Variants in FAM131A observed in about 807,000 individuals in gnomAD.
The protein encoded by FAM131A is family with sequence similarity 131 member A, also known as protein FAM131A.
A neutral mutation model predicts 39.2 loss-of-function variants in FAM131A; 24 were observed. The observed-to-expected ratio is 0.61, with a 90% CI of 0.44 to 0.86. The LOEUF is 0.86. Among genes scored for constraint, FAM131A ranks in the 40% least tolerant of loss-of-function variants. FAM131A has a pLI of 0.00. For synonymous variants in FAM131A, 202 were observed against 206.8 expected (o/e 0.98, Z 0.20); for missense variants, 373 against 481.2 (o/e 0.78, Z 2.10).
At chr3:184,338,675 C>A in intron 2 of FAM131A, 146 bp downstream of exon 2, 1 of 1,055,562 alleles carries the variant, frequency 9.5e-7, no homozygotes, top group Non-Finnish European at 1.3e-6. Context: ...GGAGGCCGCC[C>A]CCGTGCCGGT....
chr3:184,344,841 CT>C lies in FAM131A; in HGVS notation c.973del (p.Cys325AlafsTer11), dbSNP rs1727560657. 4 of 1,611,132 alleles carry C rather than the reference CT, an allele frequency of 2.5e-6. 1 individual carries two copies. The South Asian group carries it at 4.4e-5, about 18-fold the overall frequency. ...CCCCCGCGGAGGAGGAGCCAGCCCC[CT>C]GCAAGGACTGCCAGCCACTCTGCCC... Reference protein sequence around the residue: ...LSPAEEEPAPCKDCQPLCPPL... With the variant: ...LSPAEEEPAPXKDCQPLCPPL... On this transcript the variant is annotated frameshift_variant, in exon 6 of 6. Coordinates refer to ENST00000383847, the MANE Select transcript of FAM131A (RefSeq NM_144635.5). LOFTEE classifies it high-confidence loss of function.
chr3:184,345,546 A>T lies in FAM131A; in HGVS notation c.*576A>T, dbSNP rs1420537595. 3 of 702,918 alleles carry T rather than the reference A, an allele frequency of 4.3e-6. No homozygotes were observed. The highest frequency in any genetic ancestry group is 7.8e-6 in the Non-Finnish European group (3 of 385,018). 43.5% of individuals were successfully genotyped at this position (702,918 alleles called of 1,614,324 possible). ...TTCATTCACCTCTCCATCGTCTCTAAATCTTCCTCTTTTTTCCTAAAGACA... is the reference window on the plus strand; with the variant it reads ...TTCATTCACCTCTCCATCGTCTCTATATCTTCCTCTTTTTTCCTAAAGACA... On this transcript the variant is annotated 3_prime_UTR_variant, in exon 6 of 6. Coordinates refer to ENST00000383847, the MANE Select transcript of FAM131A (RefSeq NM_144635.5).
chr3:184,342,757 G>A lies in FAM131A; in HGVS notation c.522G>A (p.Gln174=). The change falls in exon 5 of 6, where the codon CAG becomes CAA. Residue 174 remains glutamine (Q), a synonymous_variant. Transcript: ENST00000383847. The surrounding 1 kb of genome is among the most constrained non-coding windows in gnomAD (Gnocchi z 4.6). ...EARFAAGVAE[Q]FAIAEAKLRA... ...TCCCTGCGACAGGAGTGGCTGAGCA[G>A]TTTGCCATCGCGGAAGCCAAGCTCC... The A allele has an allele frequency of 6.2e-7, 1 of 1,613,314 alleles. No homozygotes were observed. Among genetic ancestry groups the A allele is most frequent in the Non-Finnish European group, 8.5e-7 (1 of 1,179,478 alleles).
intron 5 of FAM131A, among the ~76,000 whole-genome samples, 188 bp from the exon 6 acceptor site, chr3:184,344,307 T>C (rs1727514497): frequency 6.6e-6 from 1 of 152,160 alleles, no homozygotes; most frequent in Non-Finnish European, 1.5e-5. Context: ...CTTGTTCTTG[T>C]ATTGTTAGAA....
chr3:184,341,956 C>T (rs1727401518), intron 3 of FAM131A, 110 bp from the exon 4 acceptor site: 2 of 1,513,592 alleles, frequency 1.3e-6, no homozygotes, highest in South Asian at 1.1e-5. Context: ...GCCCCTTCTC[C>T]CACCCAAAGG....
In FAM131A at chr3:184,345,052, C is replaced by T; in HGVS notation, c.*82C>T. ...TCTGTGCCCAAGTGTGGGCTCAAGG[C>T]TCCCAGCAGAGCTCCACAGCCTAGA... On this transcript the variant is annotated 3_prime_UTR_variant, in exon 6 of 6. Coordinates refer to ENST00000383847, the MANE Select transcript of FAM131A (RefSeq NM_144635.5). 7.7e-7 allele frequency: 1 copy of T among 1,302,156 alleles called. No individual in the cohort carries two copies. The highest frequency in any genetic ancestry group is 1.0e-6 in the Non-Finnish European group (1 of 975,104). The allele number at this position is 1,302,156 out of a possible 1,614,324, so 80.7% of individuals were successfully genotyped here. A position where few individuals can be genotyped will look rare whatever the true frequency, so the allele number is the denominator to read the frequency against.
chr3:184,335,981 C>T (rs1281210464), upstream of FAM131A: 1 of 152,272 alleles, frequency 6.6e-6, no homozygotes, highest in Non-Finnish European at 1.5e-5. Flanking sequence ...GCTCCCACCC[C>T]TCCCCTCTCA....
rs1261838839 is a variant in FAM131A at position 184,344,754 on chromosome 3, C to G, written c.885C>G (p.Ser295Arg). The G allele has an allele frequency of 6.2e-7, 1 of 1,612,390 alleles. No homozygotes were observed. Residue 295 changes from serine (S) to arginine (R), a missense_variant, in exon 6 of 6, where the codon AGC (serine) becomes AGG (arginine). By Grantham distance (110) the Ser-to-Arg change is moderately radical. Transcript: ENST00000383847. The stretch of plus-strand genomic sequence containing the variant: ...CCAGCCGGGAAAGTGCCTTCCGCAG[C>G]CTGGGCCCACTGGAGGCCCAGGACT... ...LPPSRESAFR[S>R]LGPLEAQDSL...
intron 5 of FAM131A, among the ~76,000 whole-genome samples, chr3:184,343,715 C>T (rs1727483148): frequency 1.3e-5 from 2 of 152,208 alleles, no homozygotes; most frequent in Admixed American, 6.5e-5. Context: ...GATTGAGTTC[C>T]AGGCCTACTT....
Position 184,344,616 on chromosome 3 carries a change from C to A in FAM131A, c.747C>A (p.Ser249=). 1 of 1,612,926 alleles carries A rather than the reference C, an allele frequency of 6.2e-7. No individual in the cohort carries two copies. Among genetic ancestry groups the A allele is most frequent in the Non-Finnish European group, 8.5e-7 (1 of 1,179,812 alleles). Residue 249 remains serine, a synonymous_variant, in exon 6 of 6, where the codon TCC becomes TCA. Transcript: ENST00000383847. ...EPESDCSQTV[S]PDTLCSSLCS... is the part of the protein sequence containing the mutation. ...AGAGCGACTGCTCACAGACCGTGTCCCCAGACACCCTGTGCTCTAGTCTGT... is the reference window on the plus strand; with the variant it reads ...AGAGCGACTGCTCACAGACCGTGTCACCAGACACCCTGTGCTCTAGTCTGT...
Position 184,345,105 on chromosome 3 carries a change from TTG to T in FAM131A, c.*141_*142del, listed in dbSNP as rs890208085. 78 of 838,424 alleles carry T rather than the reference TTG, an allele frequency of 9.3e-5. No individual in the cohort carries two copies. Among genetic ancestry groups the T allele is most frequent in the Middle Eastern group, 3.3e-4 (1 of 2,996 alleles). The allele number at this position is 838,424 out of a possible 1,614,324, so 51.9% of individuals were successfully genotyped here. ...GCTCCTGGGAGCGCTCGCTTCTCCG[TTG>T]TGTGTTTTGCATGAAAGTGTTTGGA... On this transcript the variant is annotated 3_prime_UTR_variant, in exon 6 of 6. Transcript: ENST00000383847.
In FAM131A at chr3:184,342,265, G is replaced by C. The variant is rs749237896; in HGVS notation, c.508+17G>C. On this transcript the variant is annotated intron_variant, in intron 4 of 5. Transcript: ENST00000383847. The surrounding 1 kb of genome is among the most constrained non-coding windows in gnomAD (Gnocchi z 4.6). ...TTGCAGCAGGTGGATGGCAGAAAGG[G>C]GATAAGCTACACTCTTGGCACAGGG... 6.3e-7 allele frequency: 1 copy of C among 1,590,082 alleles called. No homozygotes were observed. The highest frequency in any genetic ancestry group is 8.6e-7 in the Non-Finnish European group (1 of 1,167,212).
In FAM131A at chr3:184,342,904, A is replaced by AGTC; in HGVS notation, c.625+45_625+46insTCG. ...TAGGGCTGTGGTGGACCCACCTGAT[A>AGTC]GACCTTGGCATTCTTTCAGAGCCAC... On this transcript the variant is annotated intron_variant, in intron 5 of 5. Transcript: ENST00000383847. The surrounding 1 kb of genome is among the most constrained non-coding windows in gnomAD (Gnocchi z 4.6). 6.6e-7 allele frequency: 1 copy of AGTC among 1,517,616 alleles called. No homozygotes were observed. Among genetic ancestry groups the AGTC allele is most frequent in the Non-Finnish European group, 9.1e-7 (1 of 1,094,422 alleles). The allele number at this position is 1,517,616 out of a possible 1,614,324, so 94.0% of individuals were successfully genotyped here.
In FAM131A at chr3:184,345,399, C is replaced by T. The variant is rs1189168456; in HGVS notation, c.*429C>T. 1.1e-5 allele frequency: 7 copies of T among 631,898 alleles called. No individual in the cohort carries two copies. Among genetic ancestry groups the T allele is most frequent in the Admixed American group, 2.8e-5 (1 of 35,512 alleles). The allele number at this position is 631,898 out of a possible 1,614,324, so 39.1% of individuals were successfully genotyped here. A position where few individuals can be genotyped will look rare whatever the true frequency, so the allele number is the denominator to read the frequency against. ...TCTTCTCTGCTTTTCTTCTCACTTC[C>T]GAGTCCATGTGCAGTGCTTGATAGA... is the stretch of plus-strand genomic sequence containing the variant. On this transcript the variant is annotated 3_prime_UTR_variant, in exon 6 of 6. Coordinates refer to ENST00000383847, the MANE Select transcript of FAM131A (RefSeq NM_144635.5).
intron 2 of FAM131A, chr3:184,341,345 G>A (rs1013646569): frequency 3.1e-5 from 8 of 258,386 alleles, no homozygotes; most frequent in African/African-American, 1.8e-4. Context: ...GGAGGAGCAA[G>A]GGGCAGAGGG....
At chr3:184,343,319 G>C (rs567138935) in intron 5 of FAM131A, among the ~76,000 whole-genome samples, 45 of 152,302 alleles carry the variant, frequency 3.0e-4, no homozygotes, top group African/African-American at 1.1e-3. Flanking sequence ...AAGGCATGCT[G>C]GGCCTGGAAC....
Position 184,341,436 on chromosome 3 carries a change from GTTC to G in FAM131A, c.232-284_232-282del, listed in dbSNP as rs1166886589. The G allele has an allele frequency of 1.6e-5, 8 of 502,636 alleles. No individual in the cohort carries two copies. The East Asian group carries it at 2.5e-4, about 16-fold the overall frequency. The allele number at this position is 502,636 out of a possible 1,614,324, so 31.1% of individuals were successfully genotyped here. ...CCTCTCCTCAGAGGTCTCACTCGTG[GTTC>G]TTCATTTCCTGCCCTGCCTCCATCT... On this transcript the variant is annotated intron_variant, in intron 2 of 5. Transcript: ENST00000383847.
upstream of FAM131A, chr3:184,337,510 A>T: frequency 2.4e-6 from 2 of 829,022 alleles, no homozygotes; most frequent in Non-Finnish European, 3.9e-6. Flanking sequence ...TTATGTGACT[A>T]GGCACAGGTT....
intron 5 of FAM131A, 73 bp from the exon 6 acceptor site, chr3:184,344,422 G>A (rs1212544353): frequency 1.4e-5 from 20 of 1,403,520 alleles, no homozygotes; most frequent in African/African-American, 2.9e-5. Context: ...GTGGAGTGGG[G>A]TGAATGTGGC....
Sources: allele counts gnomAD v4.1 joint callset (sites outside exome capture counted in the v4.1 genomes callset), GRCh38; gene constraint gnomAD v4.1.1; non-coding constraint Gnocchi (gnomAD v3.1); transcripts MANE v1.5; gene names NCBI Gene and HGNC (gene_info 2026-07-23, HGNC 2026-07-21).